Variants in TTC28 observed in about 807,000 individuals in gnomAD.
TTC28 encodes tetratricopeptide repeat domain 28, also known as tetratricopeptide repeat protein 28.
A neutral mutation model predicts 198.0 loss-of-function variants in TTC28; 61 were observed. The ratio of observed to expected loss-of-function variants is 0.31; its 90% CI spans 0.25 to 0.38. The LOEUF (loss-of-function observed/expected upper bound fraction) is 0.38. TTC28 is among the 10% of genes least tolerant of loss of function. The pLI, the probability that TTC28 is intolerant of heterozygous loss-of-function variation, is 1.00. For missense variants in TTC28, 2,678 were observed against 3,164.0 expected (o/e 0.85, Z 3.69); for synonymous variants, 1,171 against 1,297.8 (o/e 0.90, Z 2.10).
chr22:28,269,558 T>C (rs1304289039), intron 5 of TTC28, among the ~76,000 whole-genome samples: 2 of 152,200 alleles, frequency 1.3e-5, no homozygotes, highest in Non-Finnish European at 2.9e-5. Context: ...CAGCTCATAA[T>C]GTGAATAAAA....
At position 28,201,751 on chromosome 22, in the gene TTC28, CA is replaced by C. The variant is rs34790960; in HGVS notation, c.934-38153del. On this transcript the variant is annotated intron_variant, in intron 5 of 22. Coordinates refer to ENST00000397906, the MANE Select transcript of TTC28 (RefSeq NM_001145418.2). ...TTGTGAAAGATCTGATTACAGAAAG[CA>C]AAAAAAAAAAAAAAAAAGAGGGGAG... Among the ~76,000 whole-genome samples, 236 of 80,982 alleles carry C rather than the reference CA, an allele frequency of 2.9e-3. 3 individuals carry two copies. The highest frequency in any genetic ancestry group is 0.016 in the South Asian group (34 of 2,132). The allele number at this position is 80,982 out of a possible 152,430, so 53.1% of individuals were successfully genotyped here.
At chr22:28,192,379 T>C (rs1924903798) in intron 5 of TTC28, among the ~76,000 whole-genome samples, 1 of 152,026 alleles carries the variant, frequency 6.6e-6, no homozygotes. Flanking sequence ...AAAATTAGAG[T>C]GCCTCTCCTC....
intron 6 of TTC28, among the ~76,000 whole-genome samples, chr22:28,132,026 A>G (rs1221715373): frequency 6.6e-6 from 1 of 152,300 alleles, no homozygotes; most frequent in East Asian, 1.9e-4. Flanking sequence ...CAGGCAAACC[A>G]TTGGTGTTGT....
chr22:28,394,299 A>G (rs1309255811), intron 2 of TTC28, among the ~76,000 whole-genome samples: 1 of 152,236 alleles, frequency 6.6e-6, no homozygotes, highest in East Asian at 1.9e-4. Flanking sequence ...TTTATTAAAT[A>G]TCTGTTTATC....
chr22:28,203,410 T>C (rs534028404), intron 5 of TTC28, among the ~76,000 whole-genome samples: 1 of 152,314 alleles, frequency 6.6e-6, no homozygotes, highest in South Asian at 2.1e-4. Context: ...ATTTTTATTG[T>C]AACCTGTAAA....
intron 2 of TTC28, among the ~76,000 whole-genome samples, chr22:28,479,361 G>T (rs569822967): frequency 1.3e-5 from 2 of 152,152 alleles, no homozygotes; most frequent in Non-Finnish European, 2.9e-5. Context: ...CATCAGAAAT[G>T]ACTACAAACC....
chr22:28,274,623 G>T (rs1185227547), intron 5 of TTC28, among the ~76,000 whole-genome samples: 1 of 152,186 alleles, frequency 6.6e-6, no homozygotes, highest in Non-Finnish European at 1.5e-5. Flanking sequence ...AAGAGAGAAA[G>T]ATTGTTTCTT....
At chr22:28,100,375 C>T (rs2146878530) in intron 9 of TTC28, among the ~76,000 whole-genome samples, 1 of 152,328 alleles carries the variant, frequency 6.6e-6, no homozygotes, top group African/African-American at 2.4e-5. Context: ...GGATCAAATT[C>T]ACTGAGCTAT....
chr22:28,503,048 G>C (rs2048558456), intron 2 of TTC28, among the ~76,000 whole-genome samples: 1 of 152,078 alleles, frequency 6.6e-6, no homozygotes, highest in Non-Finnish European at 1.5e-5. Flanking sequence ...TACTAAAAAA[G>C]AATGAAATTC....
intron 1 of TTC28, among the ~76,000 whole-genome samples, chr22:28,646,478 G>T (rs935391582): frequency 1.3e-5 from 2 of 152,180 alleles, no homozygotes; most frequent in African/African-American, 2.4e-5. Context: ...TGACCATACT[G>T]CCCAGGGCAA....
chr22:28,603,336 T>C (rs2146125485), intron 2 of TTC28, among the ~76,000 whole-genome samples: 1 of 152,194 alleles, frequency 6.6e-6, no homozygotes, highest in Non-Finnish European at 1.5e-5. Flanking sequence ...GGTAATAACA[T>C]AAACATTCTA....
chr22:28,432,084 G>A (rs2047439757), intron 2 of TTC28, among the ~76,000 whole-genome samples: 1 of 151,906 alleles, frequency 6.6e-6, no homozygotes, highest in South Asian at 2.1e-4. Flanking sequence ...AGGAGATCGA[G>A]ACCATCCTGG....
chr22:28,629,117 A>G (rs1176797230), intron 2 of TTC28, among the ~76,000 whole-genome samples: 1 of 152,158 alleles, frequency 6.6e-6, no homozygotes, highest in Non-Finnish European at 1.5e-5. Context: ...CTTTATTAGA[A>G]AAAACAGAAA....
chr22:28,647,186 G>A (rs1479944542), intron 1 of TTC28, among the ~76,000 whole-genome samples: 1 of 152,148 alleles, frequency 6.6e-6, no homozygotes, highest in Admixed American at 6.5e-5. Flanking sequence ...GCCACATGTA[G>A]AGGAGTGAAG....
chr22:28,365,208 A>T (rs2046228448), intron 2 of TTC28, among the ~76,000 whole-genome samples: 1 of 152,222 alleles, frequency 6.6e-6, no homozygotes, highest in Non-Finnish European at 1.5e-5. Flanking sequence ...TTAGTAATAA[A>T]ATATTTTAAA....
rs140083069 is a variant in TTC28, at chr22:28,066,958, C to T, written c.3932+27122G>A. Among the ~76,000 whole-genome samples the T allele has an allele frequency of 9.4e-3, 1,436 of 152,282 alleles. 8 individuals carry two copies. The highest frequency in any genetic ancestry group is 0.014 in the Admixed American group (215 of 15,298). ...GGGCAAAAACCCACTGCACTTCCCG[C>T]GTAGATCAAGCAGCCCTTTCTCCAG... is the stretch of plus-strand genomic sequence containing the variant. On this transcript the variant is annotated intron_variant, in intron 12 of 22. Coordinates refer to ENST00000397906, the MANE Select transcript of TTC28 (RefSeq NM_001145418.2).
At chr22:28,436,706 C>G (rs977499000) in intron 2 of TTC28, among the ~76,000 whole-genome samples, 4 of 152,194 alleles carry the variant, frequency 2.6e-5, no homozygotes, top group Admixed American at 2.0e-4. Context: ...CAGAGTCACA[C>G]TAAGAGCTAG....
At chr22:28,647,112 T>C (rs921088600) in intron 1 of TTC28, among the ~76,000 whole-genome samples, 3 of 151,958 alleles carry the variant, frequency 2.0e-5, no homozygotes, top group African/African-American at 7.3e-5. Flanking sequence ...TGATAAAGCA[T>C]ACAAAAACAA....
chr22:28,651,315 T>C (rs2146262107), intron 1 of TTC28, among the ~76,000 whole-genome samples: 1 of 150,312 alleles, frequency 6.7e-6, no homozygotes, highest in South Asian at 2.1e-4. Flanking sequence ...TCACTCCTTT[T>C]TTTTGAGACA....
Sources: gnomAD v4.1 joint callset for allele counts (sites outside exome capture counted in the v4.1 genomes callset) on GRCh38, gnomAD v4.1.1 for gene constraint, MANE v1.5 for transcripts, NCBI Gene and HGNC (gene_info 2026-07-23, HGNC 2026-07-21) for gene names.